Variants in MAGI3 observed in about 807,000 individuals in gnomAD.
MAGI3 encodes membrane associated guanylate kinase, WW and PDZ domain containing 3.
In MAGI3, 43 loss-of-function variants were observed where a neutral mutation model predicts 121.8. The observed-to-expected ratio is 0.35, with a 90% confidence interval of 0.28 to 0.46. MAGI3 has a LOEUF of 0.46. Among genes scored for constraint, MAGI3 ranks in the 20% least tolerant of loss-of-function variants. The probability of loss-of-function intolerance (pLI) is 1.00; values close to 1 mark genes in which losing one functional copy is unlikely to be tolerated. For missense variants in MAGI3, 1,547 were observed against 1,797.3 expected (o/e 0.86, Z 2.52); for synonymous variants, 553 against 639.3 (o/e 0.86, Z 2.04).
intron 1 of MAGI3, among the ~76,000 whole-genome samples, chr1:113,427,687 A>G (rs1008525107): frequency 2.0e-5 from 3 of 152,166 alleles, no homozygotes; most frequent in African/African-American, 7.2e-5. Context: ...TTGGGTTTAT[A>G]GTTGTATATA....
chr1:113,679,126 G>A (rs997502756), intron 19 of MAGI3, among the ~76,000 whole-genome samples: 1 of 151,744 alleles, frequency 6.6e-6, no homozygotes, highest in African/African-American at 2.4e-5. Context: ...AGTTCAGTGC[G>A]GCACATGTAC....
rs1652752473 is a variant in MAGI3 at position 113,644,982 on chromosome 1, T to C, written c.1998+1208T>C. On this transcript the variant is annotated intron_variant, in intron 11 of 20. Transcript: ENST00000307546. ...ACCAAGTAGGAATCCTCTGCAAATT[T>C]GCTGTTTTATAGATTAAAAAGAATC... Among the ~76,000 whole-genome samples the C allele has an allele frequency of 3.9e-5, 6 of 152,084 alleles. No individual in the cohort carries two copies. The South Asian group carries it at 1.0e-3, about 26-fold the overall frequency.
At chr1:113,494,548 A>C (rs533370979) in intron 1 of MAGI3, among the ~76,000 whole-genome samples, 1 of 152,342 alleles carries the variant, frequency 6.6e-6, no homozygotes, top group South Asian at 2.1e-4. Flanking sequence ...GAAAAATCTT[A>C]ATCTCTGAAT....
At chr1:113,433,268 G>A (rs1653397875) in intron 1 of MAGI3, among the ~76,000 whole-genome samples, 1 of 152,096 alleles carries the variant, frequency 6.6e-6, no homozygotes, top group African/African-American at 2.4e-5. Flanking sequence ...TACTGGGTCT[G>A]TGCATTCTAT....
At chr1:113,643,490 A>C (rs1652664328) in intron 10 of MAGI3, among the ~76,000 whole-genome samples, 4 of 152,172 alleles carry the variant, frequency 2.6e-5, no homozygotes, top group Admixed American at 2.6e-4. Flanking sequence ...CTGCCTTGCC[A>C]CTTACTGGTT....
chr1:113,398,491 G>C (rs190284920), intron 1 of MAGI3, among the ~76,000 whole-genome samples: 2 of 152,074 alleles, frequency 1.3e-5, no homozygotes, highest in Non-Finnish European at 2.9e-5. Context: ...AAACTTTCTG[G>C]CATTTTAGCC....
In MAGI3 at chr1:113,683,922, G is replaced by A; in HGVS notation, c.4354G>A (p.Val1452Ile). ...GTTCAAACCGGAAAGCAGTTCTCCAGTTAAGAAAACACTGATAACTCCAGG... is the reference window on the plus strand; with the variant it reads ...GTTCAAACCGGAAAGCAGTTCTCCAATTAAGAAAACACTGATAACTCCAGG... ...GRFKPESSSPVKKTLITPGPW... is the reference protein window; with the variant it reads ...GRFKPESSSPIKKTLITPGPW... The change falls in exon 21 of 21, where the codon GTT becomes ATT. Residue 1452 changes from valine to isoleucine, a missense_variant. Physicochemically the swap from Val to Ile is conservative, Grantham distance 29. Coordinates refer to ENST00000307546, the MANE Select transcript of MAGI3 (RefSeq NM_001142782.2). 3.1e-6 allele frequency: 5 copies of A among 1,611,036 alleles called. No homozygotes were observed. Among genetic ancestry groups the A allele is most frequent in the East Asian group, 2.2e-5 (1 of 44,826 alleles).
chr1:113,667,565 C>T (rs1571023540), intron 16 of MAGI3, among the ~76,000 whole-genome samples: 1 of 152,320 alleles, frequency 6.6e-6, no homozygotes, highest in East Asian at 1.9e-4. Context: ...AAAACTTTCT[C>T]CATATCCAGC....
In MAGI3 at chr1:113,391,497, G is replaced by T; in HGVS notation, c.316+148G>T. The T allele has an allele frequency of 1.1e-6, 1 of 936,202 alleles. No individual in the cohort carries two copies. The highest frequency in any genetic ancestry group is 3.0e-5 in the Admixed American group (1 of 33,342). 58.0% of individuals were successfully genotyped at this position (936,202 alleles called of 1,614,324 possible). A position where few individuals can be genotyped will look rare whatever the true frequency, so the allele number is the denominator to read the frequency against. On this transcript the variant is annotated intron_variant, in intron 1 of 20. Transcript: ENST00000307546. The surrounding 1 kb of genome is among the most constrained non-coding windows in gnomAD (Gnocchi z 4.4). Reference sequence around the variant, plus strand: ...TGCCAGACTCCTTGACGAGGGGGAGGGGTGGCGTTGGTGAGTCCCATTTTG... The same window carrying T: ...TGCCAGACTCCTTGACGAGGGGGAGTGGTGGCGTTGGTGAGTCCCATTTTG...
At chr1:113,629,327 C>T (rs1419596276) in intron 9 of MAGI3, among the ~76,000 whole-genome samples, 3 of 152,140 alleles carry the variant, frequency 2.0e-5, no homozygotes, top group Non-Finnish European at 4.4e-5. Context: ...TTTCTTCTCT[C>T]TGTTATCTTG....
intron 9 of MAGI3, among the ~76,000 whole-genome samples, chr1:113,630,337 ACT>A (rs1355839321): frequency 4.6e-5 from 7 of 151,956 alleles, no homozygotes; most frequent in Non-Finnish European, 1.0e-4. Flanking sequence ...CAGGCCTGGG[ACT>A]CACCCTTCAG....
intron 9 of MAGI3, 51 bp downstream of exon 9, chr1:113,623,045 T>C: frequency 1.6e-6 from 2 of 1,233,710 alleles, no homozygotes; most frequent in Non-Finnish European, 2.2e-6. Context: ...ATAACAAAAA[T>C]TATAGTGAAG....
At chr1:113,511,962 C>T (rs1657636289) in intron 1 of MAGI3, among the ~76,000 whole-genome samples, 1 of 152,172 alleles carries the variant, frequency 6.6e-6, no homozygotes, top group Non-Finnish European at 1.5e-5. Context: ...ACCTCTTCCC[C>T]CAAACTCCCT....
At chr1:113,653,227 A>G (rs2100986506) in intron 14 of MAGI3, among the ~76,000 whole-genome samples, 1 of 152,318 alleles carries the variant, frequency 6.6e-6, no homozygotes, top group East Asian at 1.9e-4. Context: ...GTCATTCCTC[A>G]TTATGTGTTT....
rs1202703676 is a variant in MAGI3, at chr1:113,565,139, C to T, written c.434-15403C>T. Among the ~76,000 whole-genome samples, 2 of 152,114 alleles carry T rather than the reference C, an allele frequency of 1.3e-5. 1 individual carries two copies. The highest frequency in any genetic ancestry group is 3.9e-4 in the East Asian group (2 of 5,162). ...TGCTGGGATTGCAGGTGTGAGCCAC[C>T]GAGCCCAACCCTGAAATGAAATTTT... On this transcript the variant is annotated intron_variant, in intron 2 of 20. Coordinates refer to ENST00000307546, the MANE Select transcript of MAGI3 (RefSeq NM_001142782.2).
intron 9 of MAGI3, among the ~76,000 whole-genome samples, chr1:113,626,424 C>T (rs1017757746): frequency 2.6e-4 from 40 of 151,986 alleles, no homozygotes; most frequent in African/African-American, 8.9e-4. Context: ...CTGTAGTTTT[C>T]TTTTTTTTGA....
chr1:113,582,534 AAG>A (rs1381803408), intron 3 of MAGI3, among the ~76,000 whole-genome samples: 55 of 152,240 alleles, frequency 3.6e-4, no homozygotes, highest in Admixed American at 3.5e-3. Context: ...ATTGTATAAA[AAG>A]AAAGTTACAA....
intron 9 of MAGI3, 32 bp from the exon 10 acceptor site, chr1:113,641,879 T>G (rs1189203772): frequency 6.6e-7 from 1 of 1,521,610 alleles, no homozygotes; most frequent in Admixed American, 2.1e-5. Flanking sequence ...TTTGTTGATT[T>G]TAATATTTTT....
At chr1:113,656,113 T>G (rs1299525905) in intron 15 of MAGI3, among the ~76,000 whole-genome samples, 1 of 152,198 alleles carries the variant, frequency 6.6e-6, no homozygotes. Context: ...CTCAGGTTGT[T>G]GATGAATTTT....
Sources: allele counts gnomAD v4.1 joint callset (sites outside exome capture counted in the v4.1 genomes callset), GRCh38; gene constraint gnomAD v4.1.1; non-coding constraint Gnocchi (gnomAD v3.1); transcripts MANE v1.5; gene names NCBI Gene and HGNC (gene_info 2026-07-23, HGNC 2026-07-21).